PEBP4: variants seen among roughly 807,000 people sequenced by gnomAD.
The protein encoded by PEBP4 is phosphatidylethanolamine-binding protein 4.
In PEBP4, 22 loss-of-function variants were observed where a neutral mutation model predicts 23.9. The observed-to-expected ratio is 0.92, with a 90% confidence interval of 0.66 to 1.31. The LOEUF is 1.31. PEBP4 is among the 40% of genes most tolerant of loss of function. The probability of loss-of-function intolerance (pLI) is 0.00; values close to 1 mark genes in which losing one functional copy is unlikely to be tolerated. For missense variants in PEBP4, 324 were observed against 281.7 expected, an observed-to-expected ratio of 1.15 and a Z score of -1.07; for synonymous variants, 112 against 99.3, an observed-to-expected ratio of 1.13 and a Z score of -0.76.
At chr8:22,824,129 A>C (rs1228617101) in intron 3 of PEBP4, among the ~76,000 whole-genome samples, 1 of 152,218 alleles carries the variant, frequency 6.6e-6, no homozygotes, top group African/African-American at 2.4e-5. Flanking sequence ...AAAAATAGAA[A>C]GTTAAATGCT....
intron 4 of PEBP4, among the ~76,000 whole-genome samples, chr8:22,743,812 C>G (rs1805051695): frequency 6.6e-6 from 1 of 152,224 alleles, no homozygotes; most frequent in South Asian, 2.1e-4. Context: ...ATAGGAGCTC[C>G]CTGAATCATC....
chr8:22,848,693 G>T lies in PEBP4; in HGVS notation c.259-30958C>A, dbSNP rs1019025416. Among the ~76,000 whole-genome samples, 46 of 152,268 alleles carry T rather than the reference G, an allele frequency of 3.0e-4. 3 individuals are homozygous for T. Among genetic ancestry groups the T allele is most frequent in the Admixed American group, 2.6e-4 (4 of 15,294 alleles). ...GAGAGTTGCAAAGGTGGAGACACAG[G>T]ACTCTTAGTAGTAGCTGTGGCAAGG... On this transcript the variant is annotated intron_variant, in intron 3 of 6. Transcript: ENST00000256404.
chr8:22,817,290 C>T (rs957326236), intron 4 of PEBP4, among the ~76,000 whole-genome samples: 1 of 152,224 alleles, frequency 6.6e-6, no homozygotes, highest in African/African-American at 2.4e-5. Context: ...CAATTGTTAA[C>T]GTTTCAGAAA....
At chr8:22,934,025 T>C (rs1451837634) in intron 1 of PEBP4, among the ~76,000 whole-genome samples, 1 of 152,076 alleles carries the variant, frequency 6.6e-6, no homozygotes, top group Non-Finnish European at 1.5e-5. Context: ...GAATGAGAAA[T>C]GGGAGGTGCC....
chr8:22,760,632 G>A (rs1029244978), intron 4 of PEBP4, among the ~76,000 whole-genome samples: 3 of 152,090 alleles, frequency 2.0e-5, no homozygotes, highest in African/African-American at 7.2e-5. Context: ...GGCTCCAGAG[G>A]CCTGGGAAGG....
chr8:22,919,432 C>T (rs568167659), intron 3 of PEBP4, among the ~76,000 whole-genome samples: 114 of 152,274 alleles, frequency 7.5e-4, no homozygotes, highest in African/African-American at 2.5e-3. Flanking sequence ...CTCAGTCTGG[C>T]CCAGGAGTCA....
chr8:22,832,093 C>T (rs563519349), intron 3 of PEBP4, among the ~76,000 whole-genome samples: 6 of 152,064 alleles, frequency 3.9e-5, no homozygotes, highest in African/African-American at 1.2e-4. Context: ...CAGACCAATT[C>T]GTGTGAGGGA....
At chr8:22,809,380 C>T (rs1806568863) in intron 4 of PEBP4, among the ~76,000 whole-genome samples, 1 of 152,104 alleles carries the variant, frequency 6.6e-6, no homozygotes, top group Non-Finnish European at 1.5e-5. Flanking sequence ...GGTAGAGGTG[C>T]CACCAATCTC....
chr8:22,810,320 A>T (rs1806591558), intron 4 of PEBP4, among the ~76,000 whole-genome samples: 1 of 152,134 alleles, frequency 6.6e-6, no homozygotes, highest in Non-Finnish European at 1.5e-5. Context: ...AACAGAAGAC[A>T]TTATTCCAGT....
At position 22,861,275 on chromosome 8, in the gene PEBP4, A is replaced by G. The variant is rs536189119; in HGVS notation, c.259-43540T>C. 7.2e-5 allele frequency among the ~76,000 whole-genome samples: 11 copies of G among 152,338 alleles called. No homozygotes were observed. In the South Asian group the frequency reaches 2.3e-3, roughly 32 times the overall value. Reference sequence around the variant, plus strand: ...GAGAAGTGGAGGTTCAATTTGCCCTATTACAGCTAATAATAATAGCTCAGA... The same window carrying G: ...GAGAAGTGGAGGTTCAATTTGCCCTGTTACAGCTAATAATAATAGCTCAGA... On this transcript the variant is annotated intron_variant, in intron 3 of 6. Coordinates refer to ENST00000256404, the MANE Select transcript of PEBP4 (RefSeq NM_144962.3).
At chr8:22,860,556 G>C (rs1458476819) in intron 3 of PEBP4, among the ~76,000 whole-genome samples, 1 of 152,136 alleles carries the variant, frequency 6.6e-6, no homozygotes, top group East Asian at 1.9e-4. Flanking sequence ...GCATGGGCCA[G>C]AATTTCCTTC....
chr8:22,850,908 C>T (rs776395354), intron 3 of PEBP4, among the ~76,000 whole-genome samples: 5 of 152,156 alleles, frequency 3.3e-5, no homozygotes, highest in Non-Finnish European at 7.3e-5. Context: ...CGGCTTCATG[C>T]CATGTCCCAC....
chr8:22,725,957 C>T (rs539557556), intron 5 of PEBP4, among the ~76,000 whole-genome samples: 3 of 151,854 alleles, frequency 2.0e-5, no homozygotes, highest in South Asian at 2.1e-4. Flanking sequence ...GAATTCCTGA[C>T]GATTCATCTT....
At chr8:22,738,006 C>T (rs907022437) in intron 4 of PEBP4, among the ~76,000 whole-genome samples, 4 of 152,074 alleles carry the variant, frequency 2.6e-5, no homozygotes, top group South Asian at 2.1e-4. Flanking sequence ...CTTGGAGCCC[C>T]GGGAGCCCAT....
chr8:22,860,127 A>G (rs919427180), intron 3 of PEBP4, among the ~76,000 whole-genome samples: 10 of 117,610 alleles, frequency 8.5e-5, no homozygotes, highest in African/African-American at 2.7e-4. Context: ...AAAAAAAAAA[A>G]AAAAAGAAAA....
chr8:22,847,667 G>T (rs529659666), intron 3 of PEBP4, among the ~76,000 whole-genome samples: 22 of 152,270 alleles, frequency 1.4e-4, no homozygotes, highest in African/African-American at 5.3e-4. Context: ...GGTCCATGGT[G>T]GGGGAGGGTA....
chr8:22,763,867 C>T (rs1477140075), intron 4 of PEBP4, among the ~76,000 whole-genome samples: 1 of 152,150 alleles, frequency 6.6e-6, no homozygotes, highest in African/African-American at 2.4e-5. Context: ...ATTCATTGCA[C>T]AGTTTTGCTA....
chr8:22,803,383 T>C (rs1378941603), intron 4 of PEBP4, among the ~76,000 whole-genome samples: 1 of 152,030 alleles, frequency 6.6e-6, no homozygotes, highest in Non-Finnish European at 1.5e-5. Flanking sequence ...AAAAGGCACC[T>C]CTGGCTGGGC....
intron 3 of PEBP4, among the ~76,000 whole-genome samples, chr8:22,843,728 T>A (rs1181247237): frequency 1.3e-5 from 2 of 152,204 alleles, no homozygotes; most frequent in Non-Finnish European, 1.5e-5. Flanking sequence ...TCAGAAATAT[T>A]CTTAAGTAAT....
Sources: gnomAD v4.1 joint callset for allele counts (sites outside exome capture counted in the v4.1 genomes callset) on GRCh38, gnomAD v4.1.1 for gene constraint, MANE v1.5 for transcripts, NCBI Gene and HGNC (gene_info 2026-07-23, HGNC 2026-07-21) for gene names.